Variants in TIAM1 observed in about 807,000 individuals in gnomAD.
TIAM1 encodes the protein rho guanine nucleotide exchange factor TIAM1.
TIAM1 carries 65 observed loss-of-function variants against 163.5 expected under a neutral mutation model. The observed-to-expected ratio is 0.40, with a 90% CI of 0.33 to 0.49. The LOEUF is 0.49. Ranked by LOEUF, TIAM1 falls within the 20% of genes least tolerant of loss-of-function variation. The probability of loss-of-function intolerance (pLI) is 0.77; values close to 1 mark genes in which losing one functional copy is unlikely to be tolerated. For missense variants in TIAM1, 1,789 were observed against 2,044.7 expected (o/e 0.87, Z 2.41); for synonymous variants, 833 against 810.1 (o/e 1.03, Z -0.48).
chr21:31,469,076 T>TC (rs903860635), intron 1 of TIAM1, among the ~76,000 whole-genome samples: 1 of 122,778 alleles, frequency 8.1e-6, no homozygotes. Context: ...GTGGAACCAA[T>TC]CCCTTTTTTT....
chr21:31,139,736 C>T (rs962088807), intron 22 of TIAM1, among the ~76,000 whole-genome samples: 4 of 152,218 alleles, frequency 2.6e-5, no homozygotes, highest in African/African-American at 9.7e-5. Context: ...CATTCTCATG[C>T]TCTGCTTGTA....
chr21:31,266,086 C>T lies in TIAM1; in HGVS notation c.887G>A (p.Cys296Tyr). The T allele has an allele frequency of 6.2e-7, 1 of 1,614,190 alleles. No individual in the cohort carries two copies. Among genetic ancestry groups the T allele is most frequent in the Non-Finnish European group, 8.5e-7 (1 of 1,180,050 alleles). Residue 296 changes from cysteine to tyrosine, a missense_variant, in exon 4 of 28, where the codon TGT becomes TAT. Around this residue, in one of 5 missense-constraint regions of TIAM1, gnomAD observed 555 missense variants for 564.9 expected, o/e 0.98. Coordinates refer to ENST00000541036, the MANE Select transcript of TIAM1 (RefSeq NM_001353694.2). ...TGGGTTGGTGGCACCTTCAGAGAGA[C>T]AGTGAGATTTCCTACAGGGAAGTGT... ...YNTLPCRKSH[C>Y]LSEGATNPQI...
intron 23 of TIAM1, among the ~76,000 whole-genome samples, chr21:31,133,555 C>T (rs1403851741): frequency 2.0e-5 from 3 of 152,212 alleles, no homozygotes; most frequent in African/African-American, 7.2e-5. Flanking sequence ...AAAGTGGTAC[C>T]TAAATCCCCA....
intron 9 of TIAM1, among the ~76,000 whole-genome samples, chr21:31,216,760 C>T (rs926778158): frequency 2.0e-5 from 3 of 152,136 alleles, no homozygotes; most frequent in African/African-American, 7.2e-5. Context: ...CAGAAGGGGG[C>T]TGTGGCAGTG....
intron 15 of TIAM1, among the ~76,000 whole-genome samples, chr21:31,176,981 C>T (rs2084793053): frequency 6.6e-6 from 1 of 152,128 alleles, no homozygotes; most frequent in Non-Finnish European, 1.5e-5. Flanking sequence ...TATGAACAAG[C>T]TGTAATTCAC....
At chr21:31,130,345 G>A (rs760111541) in intron 24 of TIAM1, 30 bp from the exon 25 acceptor site, 2 of 1,572,232 alleles carry the variant, frequency 1.3e-6, no homozygotes, top group Admixed American at 3.3e-5. Flanking sequence ...AGCTGCATAA[G>A]AAGAATCTAA....
chr21:31,238,110 C>T (rs2070988988), intron 6 of TIAM1, among the ~76,000 whole-genome samples: 2 of 152,184 alleles, frequency 1.3e-5, no homozygotes, highest in African/African-American at 2.4e-5. Flanking sequence ...ATTTGAGTAA[C>T]AGTGTCAAAT....
chr21:31,138,785 G>T (rs1004752711), intron 22 of TIAM1, among the ~76,000 whole-genome samples: 4 of 152,174 alleles, frequency 2.6e-5, no homozygotes, highest in African/African-American at 9.7e-5. Flanking sequence ...CTTAAGACTT[G>T]AGTAAAACCA....
At chr21:31,236,171 C>T (rs2088742641) in intron 6 of TIAM1, among the ~76,000 whole-genome samples, 1 of 152,222 alleles carries the variant, frequency 6.6e-6, no homozygotes, top group African/African-American at 2.4e-5. Context: ...ACCCACCAGA[C>T]CGTGTGGTAT....
At chr21:31,403,807 A>G (rs559743085) in intron 2 of TIAM1, among the ~76,000 whole-genome samples, 110 of 152,284 alleles carry the variant, frequency 7.2e-4, no homozygotes, top group African/African-American at 2.6e-3. Flanking sequence ...GAGAAAAGTC[A>G]AAAAATGAAT....
At chr21:31,239,634 T>C (rs2071064087) in intron 6 of TIAM1, among the ~76,000 whole-genome samples, 1 of 151,964 alleles carries the variant, frequency 6.6e-6, no homozygotes, top group Admixed American at 6.6e-5. Flanking sequence ...TTGCAATGAA[T>C]ATAATCAACA....
At chr21:31,425,056 C>CA (rs370622503) in intron 2 of TIAM1, among the ~76,000 whole-genome samples, 2,107 of 97,876 alleles carry the variant, frequency 0.022, 24 homozygotes, top group South Asian at 0.052. Flanking sequence ...CCGTCTCAAA[C>CA]AAAAAAAAAA....
At chr21:31,194,347 T>C (rs978485350) in intron 13 of TIAM1, among the ~76,000 whole-genome samples, 1 of 152,076 alleles carries the variant, frequency 6.6e-6, no homozygotes, top group Non-Finnish European at 1.5e-5. Flanking sequence ...CTAGGGATGG[T>C]CTTGGGGACC....
intron 2 of TIAM1, among the ~76,000 whole-genome samples, chr21:31,289,580 C>G (rs924590036): frequency 2.0e-5 from 3 of 152,150 alleles, no homozygotes; most frequent in African/African-American, 7.2e-5. Context: ...GGCTGTACAA[C>G]AATTACTGTT....
At chr21:31,287,307 A>G (rs1345300349) in intron 2 of TIAM1, among the ~76,000 whole-genome samples, 1 of 152,226 alleles carries the variant, frequency 6.6e-6, no homozygotes, top group East Asian at 1.9e-4. Context: ...ATCTATGTAG[A>G]ATTTTACTGA....
chr21:31,273,297 G>T (rs1027444407), intron 3 of TIAM1, among the ~76,000 whole-genome samples: 11 of 152,150 alleles, frequency 7.2e-5, no homozygotes, highest in Non-Finnish European at 1.5e-4. Flanking sequence ...GCCAGAGAGA[G>T]TGTGGAGATC....
At chr21:31,183,750 A>C (rs2085146984) in intron 14 of TIAM1, among the ~76,000 whole-genome samples, 1 of 148,868 alleles carries the variant, frequency 6.7e-6, no homozygotes, top group Non-Finnish European at 1.5e-5. Context: ...GCTGAAGTGC[A>C]GTGGTGCGAT....
intron 2 of TIAM1, among the ~76,000 whole-genome samples, chr21:31,438,559 GA>G (rs2044303099): frequency 6.6e-6 from 1 of 152,088 alleles, no homozygotes; most frequent in South Asian, 2.1e-4. Flanking sequence ...TGGAGAGAAT[GA>G]AAAGATCTGT....
intron 1 of TIAM1, among the ~76,000 whole-genome samples, chr21:31,539,886 A>G (rs1405701796): frequency 6.6e-6 from 1 of 152,152 alleles, no homozygotes; most frequent in Non-Finnish European, 1.5e-5. Context: ...TCTTAATGAT[A>G]ACATGTAAAG....
Sources: allele counts gnomAD v4.1 joint callset (sites outside exome capture counted in the v4.1 genomes callset), GRCh38; gene constraint gnomAD v4.1.1; regional missense constraint gnomAD v4.1.1; transcripts MANE v1.5; gene names NCBI Gene and HGNC (gene_info 2026-07-23, HGNC 2026-07-21).